The following KCNJ3 variants were observed in gnomAD, a reference collection of about 807,000 sequenced individuals.
KCNJ3 encodes the protein G protein-activated inward rectifier potassium channel 1.
KCNJ3 carries 4 observed loss-of-function variants against 39.2 expected under a neutral mutation model. The ratio of observed to expected loss-of-function variants is 0.10; its 90% CI spans 0.05 to 0.23. The LOEUF is 0.23. KCNJ3 is among the 10% of genes least tolerant of loss of function. The probability of loss-of-function intolerance (pLI) is 1.00; values close to 1 mark genes in which losing one functional copy is unlikely to be tolerated. For synonymous variants in KCNJ3, 230 were observed against 237.4 expected (o/e 0.97, Z 0.29); for missense variants, 276 against 634.9 (o/e 0.43, Z 6.08).
intron 2 of KCNJ3, among the ~76,000 whole-genome samples, chr2:154,795,200 T>A (rs1686701637): frequency 6.6e-6 from 1 of 152,024 alleles, no homozygotes; most frequent in South Asian, 2.1e-4. Context: ...ATTTTCTATA[T>A]GAATGCTGTT....
At chr2:154,709,883 A>C in intron 2 of KCNJ3, 64 bp downstream of exon 2, 3 of 1,557,936 alleles carry the variant, frequency 1.9e-6, no homozygotes, top group Non-Finnish European at 2.6e-6. Flanking sequence ...TGATATGCAC[A>C]ATACCTGTCA....
chr2:154,730,489 A>G (rs1235704534), intron 2 of KCNJ3, among the ~76,000 whole-genome samples: 2 of 152,194 alleles, frequency 1.3e-5, no homozygotes, highest in Non-Finnish European at 2.9e-5. Flanking sequence ...CAATGAAGAT[A>G]TTTAGTATTT....
At chr2:154,767,325 TC>T (rs1343705963) in intron 2 of KCNJ3, among the ~76,000 whole-genome samples, 1 of 151,948 alleles carries the variant, frequency 6.6e-6, no homozygotes, top group Admixed American at 6.6e-5. Context: ...CCTAATGCCA[TC>T]CCTCCCCACT....
At chr2:154,769,843 A>G (rs1274229117) in intron 2 of KCNJ3, among the ~76,000 whole-genome samples, 1 of 151,966 alleles carries the variant, frequency 6.6e-6, no homozygotes, top group Non-Finnish European at 1.5e-5. Flanking sequence ...GTTATATGAC[A>G]ATGTTGGGAT....
At chr2:154,821,380 T>G (rs1246271647) in intron 2 of KCNJ3, among the ~76,000 whole-genome samples, 2 of 152,212 alleles carry the variant, frequency 1.3e-5, no homozygotes, top group African/African-American at 2.4e-5. Flanking sequence ...ACTAGGCAAC[T>G]ATTAGAAAAT....
chr2:154,706,288 A>G (rs1685008046), intron 1 of KCNJ3, among the ~76,000 whole-genome samples: 1 of 152,156 alleles, frequency 6.6e-6, no homozygotes, highest in African/African-American at 2.4e-5. Flanking sequence ...TAACTGCATC[A>G]TCAACAAATT....
At chr2:154,774,013 CAAAG>C (rs373482109) in intron 2 of KCNJ3, among the ~76,000 whole-genome samples, 33 of 152,224 alleles carry the variant, frequency 2.2e-4, no homozygotes, top group African/African-American at 7.7e-4. Context: ...CAATGAGCTG[CAAAG>C]AAGGTTTTCA....
At chr2:154,848,247 G>T (rs1687694267) in intron 2 of KCNJ3, among the ~76,000 whole-genome samples, 1 of 152,080 alleles carries the variant, frequency 6.6e-6, no homozygotes, top group Non-Finnish European at 1.5e-5. Flanking sequence ...ATGAGTTCTG[G>T]ACTTAGCTTT....
At chr2:154,745,001 G>A (rs1316071903) in intron 2 of KCNJ3, among the ~76,000 whole-genome samples, 2 of 151,848 alleles carry the variant, frequency 1.3e-5, no homozygotes. Flanking sequence ...CTATTTAGAA[G>A]TATGTTGTTT....
intron 2 of KCNJ3, among the ~76,000 whole-genome samples, chr2:154,823,438 T>G (rs1687216927): frequency 6.6e-6 from 1 of 150,384 alleles, no homozygotes; most frequent in African/African-American, 2.4e-5. Flanking sequence ...AGTCAATGAC[T>G]AAAGTCCAGC....
chr2:154,723,587 C>T (rs76810395), intron 2 of KCNJ3, among the ~76,000 whole-genome samples: 5,807 of 151,750 alleles, frequency 0.038, 186 homozygotes, highest in Non-Finnish European at 0.052. Flanking sequence ...CAATAATATA[C>T]GTAATATTGT....
At chr2:154,820,033 T>C (rs2105109301) in intron 2 of KCNJ3, among the ~76,000 whole-genome samples, 1 of 152,204 alleles carries the variant, frequency 6.6e-6, no homozygotes, top group Admixed American at 6.5e-5. Flanking sequence ...AGTTGGAAAA[T>C]ACTCTTCCCT....
intron 2 of KCNJ3, among the ~76,000 whole-genome samples, chr2:154,754,235 C>G (rs1685899009): frequency 6.6e-6 from 1 of 152,100 alleles, no homozygotes; most frequent in African/African-American, 2.4e-5. Context: ...ATTTAATTAA[C>G]CTAGCACTCC....
At chr2:154,778,235 G>GA (rs35439943) in intron 2 of KCNJ3, among the ~76,000 whole-genome samples, 3 of 150,866 alleles carry the variant, frequency 2.0e-5, no homozygotes, top group African/African-American at 2.4e-5. Context: ...CTCATATTTT[G>GA]AAAAAAAAAT....
chr2:154,702,502 A>G (rs766536654), intron 1 of KCNJ3, among the ~76,000 whole-genome samples: 1 of 151,908 alleles, frequency 6.6e-6, no homozygotes, highest in Admixed American at 6.6e-5. Flanking sequence ...AATAGTTTTT[A>G]AATGCCTAAC....
At chr2:154,740,739 T>G (rs1206552861) in intron 2 of KCNJ3, among the ~76,000 whole-genome samples, 1 of 152,006 alleles carries the variant, frequency 6.6e-6, no homozygotes, top group Non-Finnish European at 1.5e-5. Context: ...AAAATGACAA[T>G]TCTTGCATAG....
At chr2:154,708,008 G>A (rs1685042069) in intron 1 of KCNJ3, among the ~76,000 whole-genome samples, 1 of 152,034 alleles carries the variant, frequency 6.6e-6, no homozygotes, top group African/African-American at 2.4e-5. Context: ...TCTTGGAAAC[G>A]CCTAGTTTTC....
intron 2 of KCNJ3, among the ~76,000 whole-genome samples, chr2:154,847,874 A>G (rs1484506367): frequency 3.9e-5 from 6 of 152,174 alleles, no homozygotes; most frequent in African/African-American, 1.4e-4. Flanking sequence ...ATCTGGCATT[A>G]AAACCGATGC....
Position 154,796,350 on chromosome 2 carries a change from G to A in KCNJ3, c.920-58377G>A, listed in dbSNP as rs79160017. ...TACCCCTTCATACAAAATTAAAAAT[G>A]CAGTTTTCTAATTATGTTGTCTAGA... On this transcript the variant is annotated intron_variant, in intron 2 of 2. Coordinates refer to ENST00000295101, the MANE Select transcript of KCNJ3 (RefSeq NM_002239.4). Among the ~76,000 whole-genome samples, 61 of 152,222 alleles carry A rather than the reference G, an allele frequency of 4.0e-4. No homozygotes were observed. The East Asian group carries it at 0.01, about 25-fold the overall frequency.
Sources: allele counts gnomAD v4.1 joint callset (sites outside exome capture counted in the v4.1 genomes callset), GRCh38; gene constraint gnomAD v4.1.1; transcripts MANE v1.5; gene names NCBI Gene and HGNC (gene_info 2026-07-23, HGNC 2026-07-21).